CIP2A: variants seen among roughly 807,000 people sequenced by gnomAD.
The protein encoded by CIP2A is protein CIP2A.
CIP2A carries 103 observed loss-of-function variants against 110.9 expected under a neutral mutation model. The ratio of observed to expected loss-of-function variants is 0.93; its 90% CI spans 0.79 to 1.09. The LOEUF is 1.09. Among genes scored for constraint, CIP2A ranks in the 50% least tolerant of loss-of-function variants. The probability of loss-of-function intolerance (pLI) is 0.00; values close to 1 mark genes in which losing one functional copy is unlikely to be tolerated. For synonymous variants in CIP2A, 381 were observed against 361.6 expected, an observed-to-expected ratio of 1.05 and a Z score of -0.61; for missense variants, 1,088 against 1,038.4, an observed-to-expected ratio of 1.05 and a Z score of -0.66.
chr3:108,563,076 C>G, intron 13 of CIP2A, 50 bp downstream of exon 13: 1 of 1,134,310 alleles, frequency 8.8e-7, no homozygotes, highest in Non-Finnish European at 1.3e-6. Context: ...AGAGACATAG[C>G]AGGGTATTCC....
At chr3:108,555,612 C>T (rs1937768858) in intron 17 of CIP2A, among the ~76,000 whole-genome samples, 1 of 152,102 alleles carries the variant, frequency 6.6e-6, no homozygotes, top group Admixed American at 6.6e-5. Flanking sequence ...GTTCTTTGTT[C>T]TAAGTTTCTT....
Position 108,581,511 on chromosome 3 carries a change from A to T in CIP2A, c.453T>A (p.Ile151=). Residue 151 remains isoleucine, a splice_region_variant and synonymous_variant, in exon 5 of 21, where the codon ATT becomes ATA. Coordinates refer to ENST00000295746, the MANE Select transcript of CIP2A (RefSeq NM_020890.3). ...DELITFLIDH[I]QSSEDELKMP... ...TTTTTAACTCATCTTCAGAAGATTGACTGTTGTTTTACATTGGTGTTTTGT... is the reference window on the plus strand; with the variant it reads ...TTTTTAACTCATCTTCAGAAGATTGTCTGTTGTTTTACATTGGTGTTTTGT... 6.3e-7 allele frequency: 1 copy of T among 1,593,378 alleles called. No individual in the cohort carries two copies. Among genetic ancestry groups the T allele is most frequent in the Non-Finnish European group, 8.6e-7 (1 of 1,162,642 alleles).
In CIP2A at chr3:108,553,655, C is replaced by T. The variant is rs184353560; in HGVS notation, c.2400G>A (p.Lys800=). 6.4e-7 allele frequency: 1 copy of T among 1,552,572 alleles called. No homozygotes were observed. Among genetic ancestry groups the T allele is most frequent in the Non-Finnish European group, 8.9e-7 (1 of 1,127,198 alleles). The part of the protein sequence containing the change: ...VQNQLVDREH[K]LANLHQKTKV... ...AAATAAGAAGCCACTTACTTGCTAG[C>T]TTATGTTCTCTGTCTACTAGCTGAT... Residue 800 remains lysine (K), a synonymous_variant, in exon 19 of 21, where the codon AAG becomes AAA. Coordinates refer to ENST00000295746, the MANE Select transcript of CIP2A (RefSeq NM_020890.3).
In CIP2A at chr3:108,565,455, C is replaced by A; in HGVS notation, c.1416-1G>T. Reference sequence around the variant, plus strand: ...CAAAATTACATCAGCAGCAAGTTTGCTTTAAAGATAAATCACATTTAAATT... The same window carrying A: ...CAAAATTACATCAGCAGCAAGTTTGATTTAAAGATAAATCACATTTAAATT... On this transcript the variant is annotated splice_acceptor_variant, in intron 11 of 20. Transcript: ENST00000295746. LOFTEE classifies it high-confidence loss of function. 1 of 1,543,180 alleles carries A rather than the reference C, an allele frequency of 6.5e-7. No individual in the cohort carries two copies. Among genetic ancestry groups the A allele is most frequent in the Non-Finnish European group, 8.9e-7 (1 of 1,127,902 alleles).
At chr3:108,569,343 G>T in intron 9 of CIP2A, 46 bp downstream of exon 9, 1 of 1,358,134 alleles carries the variant, frequency 7.4e-7, no homozygotes. Flanking sequence ...ATTGTTAACT[G>T]AGAGTCACAA....
At position 108,559,785 on chromosome 3, in the gene CIP2A, C is replaced by T. The variant is rs533017444; in HGVS notation, c.1985G>A (p.Arg662His). The T allele has an allele frequency of 8.8e-6, 14 of 1,587,284 alleles. No individual in the cohort carries two copies. The highest frequency in any genetic ancestry group is 6.8e-5 in the South Asian group (6 of 88,202). Reference protein sequence around the residue: ...AQADRLIAQHRCQRTQAETEA... With the variant: ...AQADRLIAQHHCQRTQAETEA... Reference sequence around the variant, plus strand: ...TGTTTCAGCTTGAGTTCTTTGACAGCGATGCTGAGCAATCAGTCTATCAGC... The same window carrying T: ...TGTTTCAGCTTGAGTTCTTTGACAGTGATGCTGAGCAATCAGTCTATCAGC... The change falls in exon 16 of 21, where the codon CGC (arginine) becomes CAC (histidine). Residue 662 changes from arginine (R) to histidine (H), a missense_variant. Arg to His is a conservative substitution (Grantham distance 29). Transcript: ENST00000295746.
chr3:108,565,877 A>T (rs1938163321), intron 11 of CIP2A, among the ~76,000 whole-genome samples: 1 of 151,854 alleles, frequency 6.6e-6, no homozygotes, highest in African/African-American at 2.4e-5. Context: ...GTATACAAAT[A>T]TAAAAACAGA....
rs374745706 is a variant in CIP2A at position 108,565,412 on chromosome 3, A to T, written c.1458T>A (p.Ile486=). Residue 486 remains isoleucine, a synonymous_variant, in exon 12 of 21, where the codon ATT becomes ATA. Transcript: ENST00000295746. ...ADVILKTLDL[I]NKLKPLVPGM... ...CAGGAACCAATGGTTTAAGTTTGTT[A>T]ATCAAATCAAGAGTTTTCAAAATTA... 583 of 1,601,534 alleles carry T rather than the reference A, an allele frequency of 3.6e-4. 1 individual carries two copies. The highest frequency in any genetic ancestry group is 4.6e-4 in the Non-Finnish European group (545 of 1,173,438).
chr3:108,567,467 T>C (rs980123737), intron 10 of CIP2A, among the ~76,000 whole-genome samples: 2 of 151,836 alleles, frequency 1.3e-5, no homozygotes, highest in African/African-American at 2.4e-5. Context: ...CAGTGGCTCT[T>C]TGCTCATAGT....
chr3:108,552,458 A>G lies in CIP2A; in HGVS notation c.2408-85T>C, dbSNP rs960390906. 22 of 746,126 alleles carry G rather than the reference A, an allele frequency of 2.9e-5. No individual in the cohort carries two copies. In the East Asian group the frequency reaches 6.3e-4, roughly 21 times the overall value. 46.2% of individuals were successfully genotyped at this position (746,126 alleles called of 1,614,324 possible). A position where few individuals can be genotyped will look rare whatever the true frequency, so the allele number is the denominator to read the frequency against. ...TGGTCTAGTAGCTACTGTAAGAGCA[A>G]AAGAGAAATAACTAGAACAAGGAAG... On this transcript the variant is annotated intron_variant, in intron 19 of 20. Coordinates refer to ENST00000295746, the MANE Select transcript of CIP2A (RefSeq NM_020890.3).
At chr3:108,581,647 T>C (rs894654708) in intron 4 of CIP2A, 136 bp from the exon 5 acceptor site, 6 of 597,556 alleles carry the variant, frequency 1.0e-5, no homozygotes, top group African/African-American at 5.6e-5. Flanking sequence ...AAAAAACTAA[T>C]TAACATAAGA....
chr3:108,576,136 G>A (rs767060666), intron 8 of CIP2A, 135 bp downstream of exon 8: 10 of 538,594 alleles, frequency 1.9e-5, no homozygotes, highest in Admixed American at 3.7e-5. Flanking sequence ...CTAGACACTG[G>A]CTACATAATT....
chr3:108,587,626 ATTTT>A (rs1352644045), intron 1 of CIP2A, among the ~76,000 whole-genome samples: 1 of 152,194 alleles, frequency 6.6e-6, no homozygotes, highest in Non-Finnish European at 1.5e-5. Flanking sequence ...CTCTGTATGT[ATTTT>A]ATCTCTTAAT....
chr3:108,566,753 TA>T (rs1938202136), intron 10 of CIP2A, 115 bp from the exon 11 acceptor site: 7 of 600,732 alleles, frequency 1.2e-5, no homozygotes, highest in Non-Finnish European at 1.8e-5. Flanking sequence ...TAATTATTGT[TA>T]AATTAGCTCA....
At chr3:108,553,778 C>G (rs1937675718) in intron 18 of CIP2A, 48 bp from the exon 19 acceptor site, 1 of 1,464,110 alleles carries the variant, frequency 6.8e-7, no homozygotes, top group Non-Finnish European at 9.3e-7. Flanking sequence ...AACCATATAC[C>G]ATTTGTAACT....
chr3:108,579,213 C>T (rs1466303169), intron 7 of CIP2A, 68 bp downstream of exon 7: 2 of 1,176,896 alleles, frequency 1.7e-6, no homozygotes, highest in Non-Finnish European at 2.5e-6. Flanking sequence ...GAAGACAATT[C>T]TGTTTATAAC....
Position 108,552,553 on chromosome 3 carries a change from C to A in CIP2A, c.2408-180G>T, listed in dbSNP as rs187580915. Among the ~76,000 whole-genome samples, 4 of 152,134 alleles carry A rather than the reference C, an allele frequency of 2.6e-5. No individual in the cohort carries two copies. The East Asian group carries it at 7.7e-4, about 29-fold the overall frequency. ...CCATGTCTTTCTTCCATCCTCTGTT[C>A]TAAATATAATATGCTATATAGGTAA... On this transcript the variant is annotated intron_variant, in intron 19 of 20. Coordinates refer to ENST00000295746, the MANE Select transcript of CIP2A (RefSeq NM_020890.3).
chr3:108,579,746 A>G, intron 5 of CIP2A, 58 bp from the exon 6 acceptor site: 1 of 1,201,994 alleles, frequency 8.3e-7, no homozygotes, highest in Non-Finnish European at 1.1e-6. Flanking sequence ...TTTTGGTTTA[A>G]AAAGTATATC....
At chr3:108,569,636 T>A (rs771817336) in intron 8 of CIP2A, 29 bp from the exon 9 acceptor site, 1 of 1,522,946 alleles carries the variant, frequency 6.6e-7, no homozygotes, top group South Asian at 1.1e-5. Flanking sequence ...TCATTAAACA[T>A]CAATTTCACA....
Sources: allele counts gnomAD v4.1 joint callset (sites outside exome capture counted in the v4.1 genomes callset), GRCh38; gene constraint gnomAD v4.1.1; transcripts MANE v1.5; gene names NCBI Gene and HGNC (gene_info 2026-07-23, HGNC 2026-07-21).